The following FGF1 variants were observed in gnomAD, a reference collection of about 807,000 sequenced individuals.
FGF1 encodes the protein beta-endothelial cell growth factor.
Under a neutral mutation model 13.4 loss-of-function variants are expected in FGF1, and 9 were observed. The observed-to-expected ratio is 0.67, with a 90% CI of 0.40 to 1.17. The LOEUF is 1.17. Ranked by LOEUF, FGF1 falls within the 50% of genes most tolerant of loss-of-function variation. The pLI is 0.01. For synonymous variants in FGF1, 93 were observed against 79.0 expected, an observed-to-expected ratio of 1.18 and a Z score of -0.94; for missense variants, 156 against 192.7, an observed-to-expected ratio of 0.81 and a Z score of 1.13.
chr5:142,696,835 T>G (rs746431744), intron 2 of FGF1, among the ~76,000 whole-genome samples: 1 of 152,226 alleles, frequency 6.6e-6, no homozygotes, highest in Admixed American at 6.5e-5. Context: ...CAGAATTTTG[T>G]TGGTTGCTTC....
In FGF1 at chr5:142,657,411, C is replaced by A. The variant is rs578130197; in HGVS notation, c.-35+28546G>T. Among the ~76,000 whole-genome samples the A allele has an allele frequency of 3.3e-5, 5 of 152,164 alleles. No individual in the cohort carries two copies. The East Asian group carries it at 7.7e-4, about 23-fold the overall frequency. On this transcript the variant is annotated intron_variant, in intron 1 of 3. Transcript: ENST00000337706. ...CCCAGCTTTCTGAAGGATGTCAGCA[C>A]CCCCCCAACACCTCTCAGGCATCCC...
chr5:142,686,389 G>A (rs1355559573), upstream of FGF1: 2 of 153,100 alleles, frequency 1.3e-5, no homozygotes, highest in Admixed American at 1.3e-4. Context: ...CAGAGCCATT[G>A]GCCAGCCAGG....
At chr5:142,667,004 G>A (rs553624663) in intron 1 of FGF1, among the ~76,000 whole-genome samples, 23 of 150,968 alleles carry the variant, frequency 1.5e-4, no homozygotes, top group South Asian at 4.2e-4. Context: ...AAAAGAAGCC[G>A]GGCACAGTGG....
intron 1 of FGF1, among the ~76,000 whole-genome samples, chr5:142,655,755 G>A (rs1438640912): frequency 6.6e-6 from 1 of 152,236 alleles, no homozygotes; most frequent in Non-Finnish European, 1.5e-5. Context: ...AGAAGCTGAA[G>A]GATGTGCTGA....
At position 142,675,859 on chromosome 5, in the gene FGF1, A is replaced by G. The variant is rs149248772; in HGVS notation, c.-35+10098T>C. On this transcript the variant is annotated intron_variant, in intron 1 of 3. Transcript: ENST00000337706. ...CCAGGGGACATTGAGCAGAATTTTC[A>G]AAACGTACATATATTGAGGAACTGA... Among the ~76,000 whole-genome samples the G allele has an allele frequency of 8.3e-4, 126 of 152,344 alleles. 1 individual carries two copies. Among genetic ancestry groups the G allele is most frequent in the African/African-American group, 2.8e-3 (115 of 41,588 alleles).
At chr5:142,690,049 C>T (rs1293718839), upstream of FGF1, among the ~76,000 whole-genome samples, 3 of 143,054 alleles carry the variant, frequency 2.1e-5, 1 homozygote, top group South Asian at 4.9e-4. Flanking sequence ...TGGCCGGGCA[C>T]GGTGGCTCAC....
chr5:142,696,484 A>T lies in FGF1; in HGVS notation c.-35+1138T>A, dbSNP rs142548170. On this transcript the variant is annotated intron_variant, in intron 2 of 4. Coordinates refer to the FGF1 transcript ENST00000407758. ...TACCCACATTCGTTCTATGAGATTG[A>T]CCCTGAGATTCTAGCTAGAACTAGA... is the stretch of plus-strand genomic sequence containing the variant. Among the ~76,000 whole-genome samples the T allele has an allele frequency of 3.2e-3, 487 of 152,106 alleles. 2 individuals carry two copies. Among genetic ancestry groups the T allele is most frequent in the Admixed American group, 6.9e-3 (106 of 15,262 alleles).
intron 1 of FGF1, among the ~76,000 whole-genome samples, chr5:142,648,396 C>T (rs2151968108): frequency 6.6e-6 from 1 of 151,954 alleles, no homozygotes; most frequent in South Asian, 2.1e-4. Context: ...TCTCAGCAAA[C>T]TAGCACAAGA....
intron 1 of FGF1, among the ~76,000 whole-genome samples, chr5:142,657,256 A>C (rs1347586137): frequency 6.6e-6 from 1 of 152,132 alleles, no homozygotes; most frequent in Non-Finnish European, 1.5e-5. Context: ...AAAAACAACA[A>C]CTTTTCAAGA....
chr5:142,625,482 G>A (rs1762310543), intron 1 of FGF1, among the ~76,000 whole-genome samples: 1 of 152,126 alleles, frequency 6.6e-6, no homozygotes, highest in Non-Finnish European at 1.5e-5. Flanking sequence ...TCTTTTAAGT[G>A]CTTAGAGAAA....
At chr5:142,610,938 A>G (rs1299183295) in intron 2 of FGF1, among the ~76,000 whole-genome samples, 1 of 152,234 alleles carries the variant, frequency 6.6e-6, no homozygotes, top group Non-Finnish European at 1.5e-5. Context: ...GGGGACAAAG[A>G]GAAGCCGTGA....
At chr5:142,601,699 C>T (rs1756610821) in intron 2 of FGF1, among the ~76,000 whole-genome samples, 1 of 152,076 alleles carries the variant, frequency 6.6e-6, no homozygotes, top group African/African-American at 2.4e-5. Context: ...CAGCCCCCAA[C>T]AGCAAAGAAT....
Position 142,632,463 on chromosome 5 carries a change from G to A in FGF1, c.-34-18302C>T, listed in dbSNP as rs796209437. On this transcript the variant is annotated intron_variant, in intron 1 of 3. Transcript: ENST00000337706. The stretch of plus-strand genomic sequence containing the variant: ...AACAAAGAAATAATATTTAAGGTCT[G>A]TTGCTTTGGTGTTTTATCAATTCAA... Among the ~76,000 whole-genome samples, 5 of 152,292 alleles carry A rather than the reference G, an allele frequency of 3.3e-5. No homozygotes were observed. In the South Asian group the frequency reaches 1.0e-3, roughly 32 times the overall value.
chr5:142,616,772 A>G (rs1352878329), intron 1 of FGF1, among the ~76,000 whole-genome samples: 3 of 152,124 alleles, frequency 2.0e-5, no homozygotes, highest in Non-Finnish European at 4.4e-5. Context: ...CCCAGTGTGG[A>G]TATCTTTATC....
chr5:142,638,995 G>T (rs185624178), intron 1 of FGF1, among the ~76,000 whole-genome samples: 1 of 152,084 alleles, frequency 6.6e-6, no homozygotes, highest in East Asian at 1.9e-4. Flanking sequence ...TGTTAGAATA[G>T]CTAATATCAA....
Position 142,595,250 on chromosome 5 carries a change from G to A in FGF1, c.*40C>T, listed in dbSNP as rs116123989. The A allele has an allele frequency of 8.6e-5, 135 of 1,576,172 alleles. No individual in the cohort carries two copies. In the African/African-American group the frequency reaches 1.3e-3, roughly 15 times the overall value. ...TGGGTCAACCAGGTGAGGACCCCTC[G>A]AAACTTCTCTGGAGTGGTCAACACC... On this transcript the variant is annotated 3_prime_UTR_variant, in exon 4 of 4. Coordinates refer to ENST00000337706, the MANE Select transcript of FGF1 (RefSeq NM_000800.5).
chr5:142,649,638 ACCT>A (rs1383292462), intron 1 of FGF1, among the ~76,000 whole-genome samples: 3 of 151,554 alleles, frequency 2.0e-5, no homozygotes, highest in African/African-American at 7.3e-5. Flanking sequence ...CAATCTCCTG[ACCT>A]CATGATCCGC....
At chr5:142,666,000 CT>C (rs1356141116) in intron 1 of FGF1, among the ~76,000 whole-genome samples, 1 of 152,142 alleles carries the variant, frequency 6.6e-6, no homozygotes, top group East Asian at 1.9e-4. Context: ...TACAGCCTGC[CT>C]TTGATAACTG....
chr5:142,678,993 A>C (rs984961851), intron 1 of FGF1, among the ~76,000 whole-genome samples: 3 of 152,186 alleles, frequency 2.0e-5, no homozygotes, highest in African/African-American at 7.2e-5. Flanking sequence ...GTGTGAGCTC[A>C]GAAAGCCTGA....
Sources: allele counts gnomAD v4.1 joint callset (sites outside exome capture counted in the v4.1 genomes callset), GRCh38; gene constraint gnomAD v4.1.1; transcripts MANE v1.5; gene names NCBI Gene and HGNC (gene_info 2026-07-23, HGNC 2026-07-21).